The following ING5 variants were observed in gnomAD, a reference collection of about 807,000 sequenced individuals.
ING5 encodes inhibitor of growth family member 5.
A neutral mutation model predicts 37.4 loss-of-function variants in ING5; 17 were observed. The ratio of observed to expected loss-of-function variants is 0.45; its 90% CI spans 0.31 to 0.68. The LOEUF (loss-of-function observed/expected upper bound fraction) is 0.68, where lower values mean the gene tolerates loss of function less well. Ranked by LOEUF, ING5 falls within the 30% of genes least tolerant of loss-of-function variation. The pLI, the probability that ING5 is intolerant of heterozygous loss-of-function variation, is 0.05. For synonymous variants in ING5, 123 were observed against 116.6 expected (o/e 1.06, Z -0.36); for missense variants, 233 against 311.9 (o/e 0.75, Z 1.91).
At chr2:241,703,299 G>T (rs916662261) in intron 1 of ING5, among the ~76,000 whole-genome samples, 6 of 152,204 alleles carry the variant, frequency 3.9e-5, no homozygotes, top group Non-Finnish European at 7.3e-5. Flanking sequence ...ATAGAGTTAG[G>T]TTTAAAATGA....
chr2:241,696,807 G>T (rs998543910), intron 2 of ING5, among the ~76,000 whole-genome samples: 3 of 152,056 alleles, frequency 2.0e-5, no homozygotes, highest in African/African-American at 7.2e-5. Flanking sequence ...ACCAAGGCTG[G>T]GTGTGGTGGC....
chr2:241,726,432 C>T lies in ING5; in HGVS notation c.*1401C>T, dbSNP rs7567041. The T allele has an allele frequency of 0.16, 24,908 of 152,164 alleles. 2,615 individuals are homozygous for T. Among genetic ancestry groups the T allele is most frequent in the Non-Finnish European group, 0.23 (15,878 of 67,998 alleles). 9.4% of individuals were successfully genotyped at this position (152,164 alleles called of 1,614,324 possible). On this transcript the variant is annotated 3_prime_UTR_variant, in exon 8 of 8. Transcript: ENST00000313552. Reference sequence around the variant, plus strand: ...TGAAGCTCTGTGTCTCAGACGGGGCCCTCCCGTCGAGAAGCTGGTAGTCAG... The same window carrying T: ...TGAAGCTCTGTGTCTCAGACGGGGCTCTCCCGTCGAGAAGCTGGTAGTCAG...
At chr2:241,698,624 C>T (rs141864823), upstream of ING5, among the ~76,000 whole-genome samples, 399 of 151,736 alleles carry the variant, frequency 2.6e-3, 1 homozygote, top group African/African-American at 9.0e-3. Context: ...TTAAATGAGG[C>T]CAGTAAGGAT....
intron 1 of ING5, among the ~76,000 whole-genome samples, chr2:241,702,862 ATGGGCACAGCTT>A (rs1304101701): frequency 1.3e-5 from 2 of 152,106 alleles, no homozygotes; most frequent in Non-Finnish European, 2.9e-5. Flanking sequence ...TCGGCCCGGG[ATGGGCACAGCTT>A]TGGGGTCGCG....
chr2:241,693,851 G>A (rs551343798), intron 2 of ING5, among the ~76,000 whole-genome samples: 67 of 150,886 alleles, frequency 4.4e-4, no homozygotes, highest in African/African-American at 1.5e-3. Context: ...GAGACGGGGT[G>A]TTTCACCATG....
chr2:241,722,502 C>A, intron 5 of ING5: 1 of 985,452 alleles, frequency 1.0e-6, no homozygotes, highest in Non-Finnish European at 1.2e-6. Flanking sequence ...GTCTCCACCC[C>A]TCTGCTGCCA....
At chr2:241,710,897 G>A (rs1176647787) in intron 3 of ING5, among the ~76,000 whole-genome samples, 3 of 152,248 alleles carry the variant, frequency 2.0e-5, no homozygotes, top group East Asian at 3.9e-4. Flanking sequence ...ACAGGCGTGA[G>A]CCACCGCGCC....
intron 5 of ING5, among the ~76,000 whole-genome samples, chr2:241,713,989 CAA>C (rs781230058): frequency 8.6e-5 from 9 of 104,530 alleles, no homozygotes; most frequent in Non-Finnish European, 6.2e-5. Flanking sequence ...AACTCCGTCT[CAA>C]AAAAAAAAAA....
upstream of ING5, among the ~76,000 whole-genome samples, chr2:241,700,778 A>G (rs2069704472): frequency 6.6e-6 from 1 of 151,996 alleles, no homozygotes; most frequent in South Asian, 2.1e-4. Context: ...GGCGCCCGCC[A>G]CCACGCCCGG....
chr2:241,703,323 G>A (rs1429380024), intron 1 of ING5, among the ~76,000 whole-genome samples: 1 of 152,206 alleles, frequency 6.6e-6, no homozygotes, highest in Non-Finnish European at 1.5e-5. Context: ...CCTGGTAACT[G>A]TGAACAGCAG....
At position 241,725,018 on chromosome 2, in the gene ING5, GGAA is replaced by G. The variant is rs778666524; in HGVS notation, c.718_720del (p.Lys240del). 1.9e-5 allele frequency: 31 copies of G among 1,614,130 alleles called. No homozygotes were observed. The highest frequency in any genetic ancestry group is 1.2e-4 in the African/African-American group (9 of 75,050). The stretch of plus-strand genomic sequence containing the variant: ...TGTCCACGGTGTGTCCAGGAAAAGA[GGAA>G]GAAGAAGTAGGAGGAGCTGTGTGCC... On this transcript the variant is annotated inframe_deletion, in exon 8 of 8. Coordinates refer to ENST00000313552, the MANE Select transcript of ING5 (RefSeq NM_032329.6).
chr2:241,711,531 T>C, intron 4 of ING5, 43 bp downstream of exon 4: 1 of 1,335,998 alleles, frequency 7.5e-7, no homozygotes, highest in Non-Finnish European at 1.0e-6. Flanking sequence ...TACTGTTAAC[T>C]ATGGAGTTTT....
chr2:241,719,366 C>G, intron 5 of ING5: 1 of 659,278 alleles, frequency 1.5e-6, no homozygotes, highest in East Asian at 2.7e-5. Context: ...CGCCCCCAAC[C>G]CCCCAACACC....
At chr2:241,709,030 C>G in intron 2 of ING5, 186 bp from the exon 3 acceptor site, 1 of 576,736 alleles carries the variant, frequency 1.7e-6, no homozygotes, top group Admixed American at 3.5e-5. Flanking sequence ...TCTGCACATT[C>G]ACACGATCCC....
chr2:241,722,636 T>G (rs2070460660), intron 5 of ING5: 1 of 984,862 alleles, frequency 1.0e-6, no homozygotes, highest in Non-Finnish European at 1.2e-6. Context: ...AGAGGGGTTA[T>G]TGAGGTTTTG....
At chr2:241,709,171 A>T in intron 2 of ING5, 45 bp from the exon 3 acceptor site, 8 of 1,571,170 alleles carry the variant, frequency 5.1e-6, no homozygotes, top group Non-Finnish European at 6.9e-6. Flanking sequence ...TGAGCACATC[A>T]TGGTGTCTTG....
At chr2:241,706,679 A>G (rs768806820) in intron 2 of ING5, among the ~76,000 whole-genome samples, 22 of 151,512 alleles carry the variant, frequency 1.5e-4, no homozygotes, top group Non-Finnish European at 3.1e-4. Context: ...GTAACATTGC[A>G]TGTCTGAAAA....
chr2:241,700,211 C>G (rs558485969), upstream of ING5, among the ~76,000 whole-genome samples: 6 of 138,312 alleles, frequency 4.3e-5, no homozygotes, highest in African/African-American at 1.7e-4. Flanking sequence ...GGCTGGAGTG[C>G]AATGGCACGA....
At chr2:241,724,266 C>T (rs745645141) in intron 7 of ING5, among the ~76,000 whole-genome samples, 12 of 152,260 alleles carry the variant, frequency 7.9e-5, no homozygotes, top group Non-Finnish European at 1.6e-4. Context: ...TGTCATGTGG[C>T]GTCAACACAG....
Sources: allele counts gnomAD v4.1 joint callset (sites outside exome capture counted in the v4.1 genomes callset), GRCh38; gene constraint gnomAD v4.1.1; transcripts MANE v1.5; gene names NCBI Gene and HGNC (gene_info 2026-07-23, HGNC 2026-07-21).